CHM: variants seen among roughly 807,000 people sequenced by gnomAD.
CHM encodes rab proteins geranylgeranyltransferase component A 1.
Under a neutral mutation model 49.0 loss-of-function variants are expected in CHM, and 10 were observed. That is an observed-to-expected ratio of 0.20 (90% CI 0.13 to 0.35). The LOEUF (loss-of-function observed/expected upper bound fraction) is 0.35, where lower values mean the gene tolerates loss of function less well. CHM is among the 10% of genes least tolerant of loss of function. CHM has a pLI of 1.00. For synonymous variants in CHM, 184 were observed against 167.5 expected (o/e 1.10, Z -0.76); for missense variants, 455 against 478.4 (o/e 0.95, Z 0.46).
At chrX:86,008,168 A>G (rs912848466) in intron 2 of CHM, among the ~76,000 whole-genome samples, 1 of 111,903 alleles carries the variant, frequency 8.9e-6, no homozygotes, top group African/African-American at 3.3e-5. Flanking sequence ...CAGAAAACCA[A>G]ACATGACATG....
intron 9 of CHM, among the ~76,000 whole-genome samples, chrX:85,906,233 T>C (rs1161646819): frequency 8.9e-6 from 1 of 111,952 alleles, no homozygotes; most frequent in Non-Finnish European, 1.9e-5. Flanking sequence ...TTCCAAATCA[T>C]TGCCAGAATT....
intron 8 of CHM, among the ~76,000 whole-genome samples, chrX:85,932,183 C>T (rs756820685): frequency 2.5e-4 from 28 of 111,914 alleles, no homozygotes; most frequent in Non-Finnish European, 4.7e-4. Flanking sequence ...TTGACAGATT[C>T]GTATTTCTTA....
intron 9 of CHM, among the ~76,000 whole-genome samples, chrX:85,907,881 G>C (rs981304971): frequency 1.3e-4 from 15 of 111,763 alleles, no homozygotes; most frequent in Non-Finnish European, 2.1e-4. Context: ...TGGTTCTGGA[G>C]ATACAACAGT....
intron 2 of CHM, among the ~76,000 whole-genome samples, chrX:86,003,731 G>A (rs962479131): frequency 1.8e-5 from 2 of 111,457 alleles, no homozygotes; most frequent in Non-Finnish European, 3.8e-5. Context: ...AAAAAGAAAC[G>A]AACAAAGCCT....
intron 2 of CHM, among the ~76,000 whole-genome samples, chrX:86,021,600 A>G (rs1415374100): frequency 9.0e-6 from 1 of 111,147 alleles, no homozygotes; most frequent in Non-Finnish European, 1.9e-5. Context: ...TATAGCCACT[A>G]TGCAAAACAG....
chrX:86,047,516 G>T lies in CHM; in HGVS notation c.17C>A (p.Pro6His), dbSNP rs201252021. Reference protein sequence around the residue: MADTLPSEFDVIVIGT... With the variant: MADTLHSEFDVIVIGT... ...TATTACGATCACATCAAACTCCGAA[G>T]GGAGAGTATCCGCCATCTTGACGGG... Residue 6 changes from proline to histidine, a missense_variant, in exon 1 of 15, where the codon CCT (proline) becomes CAT (histidine). Physicochemically the swap from Pro to His is moderately conservative, Grantham distance 77. Coordinates refer to ENST00000357749, the MANE Select transcript of CHM (RefSeq NM_000390.4). 1.1e-5 allele frequency: 13 copies of T among 1,207,864 alleles called. No homozygotes were observed. The highest frequency in any genetic ancestry group is 1.8e-5 in the South Asian group (1 of 56,196).
rs1268203448 is a variant in CHM at position 85,938,562 on chromosome X, G to C, written c.1166+17591C>G. The stretch of plus-strand genomic sequence containing the variant: ...TCCTAATCTTTTTTTTTTTTTTTTG[G>C]TGGTGGGGTTGCAGGGGGCAGTCAC... On this transcript the variant is annotated intron_variant, in intron 8 of 14. Transcript: ENST00000357749. 7.8e-5 allele frequency among the ~76,000 whole-genome samples: 8 copies of C among 102,058 alleles called. No individual in the cohort carries two copies. The Admixed American group carries it at 8.6e-4, about 11-fold the overall frequency. The allele number at this position is 102,058 out of a possible 115,157, so 88.6% of individuals were successfully genotyped here.
chrX:85,940,126 G>C (rs1353925236), intron 8 of CHM, among the ~76,000 whole-genome samples: 1 of 111,458 alleles, frequency 9.0e-6, no homozygotes, highest in African/African-American at 3.3e-5. Context: ...TGACGAAGCA[G>C]GAAAGAGAGA....
chrX:85,955,444 C>T (rs1402851777), intron 8 of CHM, among the ~76,000 whole-genome samples: 1 of 111,127 alleles, frequency 9.0e-6, no homozygotes, highest in Admixed American at 9.6e-5. Context: ...ACAAGTATTC[C>T]CTGAAGATAA....
rs756606512 is a variant in CHM, at chrX:86,016,146, TA to T, written c.116+11344del. On this transcript the variant is annotated intron_variant, in intron 2 of 14. Coordinates refer to ENST00000357749, the MANE Select transcript of CHM (RefSeq NM_000390.4). The stretch of plus-strand genomic sequence containing the variant: ...AGCCTTTGTCTCAAAAAATAAAAAT[TA>T]AAAAAAAGGTGACTCACGTGCCGTT... 5.2e-3 allele frequency among the ~76,000 whole-genome samples: 564 copies of T among 108,455 alleles called. 9 individuals are homozygous for T. The highest frequency in any genetic ancestry group is 0.018 in the African/African-American group (547 of 29,656). 94.2% of individuals were successfully genotyped at this position (108,455 alleles called of 115,157 possible).
intron 8 of CHM, among the ~76,000 whole-genome samples, chrX:85,955,615 C>T (rs1438593133): frequency 8.9e-6 from 1 of 111,783 alleles, no homozygotes; most frequent in African/African-American, 3.3e-5. Flanking sequence ...TTCTTATGTA[C>T]GGCTAAAAGG....
At chrX:85,984,324 CT>C (rs1188800485) in intron 2 of CHM, among the ~76,000 whole-genome samples, 1 of 111,989 alleles carries the variant, frequency 8.9e-6, no homozygotes, top group Non-Finnish European at 1.9e-5. Flanking sequence ...TGAAGAGACA[CT>C]TCACAAAAGA....
Position 85,864,658 on chromosome X carries a change from A to T in CHM, c.1934T>A (p.Leu645His). 8.3e-7 allele frequency: 1 copy of T among 1,210,063 alleles called. No homozygotes were observed. Among genetic ancestry groups the T allele is most frequent in the Non-Finnish European group, 1.1e-6 (1 of 894,717 alleles). Residue 645 changes from leucine to histidine, a missense_variant, in exon 15 of 15, where the codon CTT (leucine) becomes CAT (histidine). Transcript: ENST00000357749. ...TTCAGAGGACTCCTCTAGGTTTCCA[A>T]GGTTTGTGCTTTCCTTGAAAGTCTC... ...NSETFKESTN[L>H]GNLEESSE
chrX:85,895,935 A>G (rs79039991), intron 11 of CHM, among the ~76,000 whole-genome samples: 2 of 108,706 alleles, frequency 1.8e-5, no homozygotes, highest in African/African-American at 6.7e-5. Context: ...TTTTTTTTTA[A>G]CTGAGATGCA....
chrX:85,980,202 G>A (rs1255784654), intron 3 of CHM, among the ~76,000 whole-genome samples: 1 of 111,084 alleles, frequency 9.0e-6, no homozygotes, highest in Non-Finnish European at 1.9e-5. Flanking sequence ...TTTTCTCATG[G>A]AAGTACTAAA....
chrX:86,020,650 T>C (rs1933497140), intron 2 of CHM, among the ~76,000 whole-genome samples: 1 of 105,876 alleles, frequency 9.4e-6, no homozygotes, highest in South Asian at 4.0e-4. Context: ...ATCTCCGATA[T>C]ATATGAAATA....
chrX:85,985,758 T>C (rs1262984204), intron 2 of CHM, among the ~76,000 whole-genome samples: 1 of 112,336 alleles, frequency 8.9e-6, no homozygotes, highest in Non-Finnish European at 1.9e-5. Context: ...GTTGATACTT[T>C]GAGGTACTGG....
In CHM at chrX:85,871,304, C is replaced by CAAA. The variant is rs150005971; in HGVS notation, c.1770+1745_1770+1747dup. ...CCTGGGTGACAGAGCAAGACTGTCT[C>CAAA]AAAAAAAAAAAAAAAAAAGAAGAAA... On this transcript the variant is annotated intron_variant, in intron 14 of 14. Coordinates refer to ENST00000357749, the MANE Select transcript of CHM (RefSeq NM_000390.4). 7.6e-4 allele frequency among the ~76,000 whole-genome samples: 47 copies of CAAA among 62,029 alleles called. 1 individual carries two copies. The East Asian group carries it at 0.022, about 29-fold the overall frequency. The allele number at this position is 62,029 out of a possible 115,157, so 53.9% of individuals were successfully genotyped here. A position where few individuals can be genotyped will look rare whatever the true frequency, so the allele number is the denominator to read the frequency against.
intron 2 of CHM, among the ~76,000 whole-genome samples, chrX:86,018,964 T>C (rs1275371762): frequency 8.9e-6 from 1 of 112,016 alleles, no homozygotes; most frequent in Non-Finnish European, 1.9e-5. Flanking sequence ...CAGTATCTTA[T>C]AATTTTTCTA....
Sources: gnomAD v4.1 joint callset for allele counts (sites outside exome capture counted in the v4.1 genomes callset) on GRCh38, gnomAD v4.1.1 for gene constraint, MANE v1.5 for transcripts, NCBI Gene and HGNC (gene_info 2026-07-23, HGNC 2026-07-21) for gene names.